Variants in PDCD11 observed in about 807,000 individuals in gnomAD.
PDCD11 encodes the protein protein RRP5 homolog.
PDCD11 carries 97 observed loss-of-function variants against 198.9 expected under a neutral mutation model. The observed-to-expected ratio is 0.49, with a 90% CI of 0.41 to 0.58. The LOEUF (loss-of-function observed/expected upper bound fraction) is 0.58. Among genes scored for constraint, PDCD11 ranks in the 20% least tolerant of loss-of-function variants. PDCD11 has a pLI of 0.00. For synonymous variants in PDCD11, 893 were observed against 918.0 expected, an observed-to-expected ratio of 0.97 and a Z score of 0.49; for missense variants, 2,102 against 2,312.7, an observed-to-expected ratio of 0.91 and a Z score of 1.87.
chr10:103,415,551 C>T (rs1439017497), intron 12 of PDCD11, among the ~76,000 whole-genome samples: 3 of 152,226 alleles, frequency 2.0e-5, no homozygotes, highest in African/African-American at 7.2e-5. Context: ...AGCATTATTT[C>T]ATTTAATCCT....
chr10:103,413,319 C>A lies in PDCD11; in HGVS notation c.1182C>A (p.Ala394=). Residue 394 remains alanine, a synonymous_variant, in exon 9 of 36, where the codon GCC becomes GCA. Transcript: ENST00000369797. The part of the protein sequence containing the change: ...FRLKDGVLAY[A]RLSHLSDSKN... ...TGAAGGATGGGGTTCTGGCCTATGCCCGGGTAAGGAGGCCTCTTTGTTTGG... is the reference window on the plus strand; with the variant it reads ...TGAAGGATGGGGTTCTGGCCTATGCACGGGTAAGGAGGCCTCTTTGTTTGG... 6.2e-7 allele frequency: 1 copy of A among 1,613,508 alleles called. No individual in the cohort carries two copies. The highest frequency in any genetic ancestry group is 1.1e-5 in the South Asian group (1 of 91,066).
intron 21 of PDCD11, among the ~76,000 whole-genome samples, chr10:103,430,756 A>G (rs2031897750): frequency 1.3e-5 from 2 of 149,804 alleles, no homozygotes; most frequent in African/African-American, 4.9e-5. Context: ...CTTCTTGGCC[A>G]TTGGTATATC....
chr10:103,442,211 A>G lies in PDCD11; in HGVS notation c.4708-2A>G. On this transcript the variant is annotated splice_acceptor_variant, in intron 31 of 35. Coordinates refer to ENST00000369797, the MANE Select transcript of PDCD11 (RefSeq NM_014976.2). LOFTEE classifies it high-confidence loss of function. Reference sequence around the variant, plus strand: ...TCACGGTGTTTCTGCTTTCCATAGCAGATAAAGAAAAGCAAGAAAGAAAGG... The same window carrying G: ...TCACGGTGTTTCTGCTTTCCATAGCGGATAAAGAAAAGCAAGAAAGAAAGG... The G allele has an allele frequency of 6.2e-7, 1 of 1,613,854 alleles. No homozygotes were observed. The highest frequency in any genetic ancestry group is 1.1e-5 in the South Asian group (1 of 91,070).
rs1307333185 is a variant in PDCD11, at chr10:103,439,871, A to G, written c.4148+3A>G. 1.2e-6 allele frequency: 2 copies of G among 1,614,024 alleles called. No homozygotes were observed. The highest frequency in any genetic ancestry group is 1.7e-6 in the Non-Finnish European group (2 of 1,180,002). ...CTGCTCACAGCCAGGGTCCTACGGT[A>G]GGTGCCTTCCCGTTCTCTCTCTCTC... On this transcript the variant is annotated splice_donor_region_variant and intron_variant, in intron 28 of 35. Transcript: ENST00000369797.
intron 27 of PDCD11, 107 bp from the exon 28 acceptor site, chr10:103,439,639 C>A: frequency 7.5e-7 from 1 of 1,331,688 alleles, no homozygotes; most frequent in Non-Finnish European, 1.1e-6. Flanking sequence ...ATGTCTGTCA[C>A]AAATCCTTGT....
At chr10:103,438,940 C>G in intron 27 of PDCD11, 132 bp downstream of exon 27, 1 of 886,080 alleles carries the variant, frequency 1.1e-6, no homozygotes, top group Non-Finnish European at 1.7e-6. Context: ...AGTCCCCACT[C>G]ATTTTTAAAA....
intron 17 of PDCD11, among the ~76,000 whole-genome samples, chr10:103,422,472 T>C (rs867046223): frequency 1.3e-5 from 2 of 151,378 alleles, no homozygotes; most frequent in Non-Finnish European, 2.9e-5. Flanking sequence ...AGATGTCCTC[T>C]TCTCCCCACT....
intron 21 of PDCD11, among the ~76,000 whole-genome samples, chr10:103,430,336 A>G (rs1368353398): frequency 6.6e-6 from 1 of 152,190 alleles, no homozygotes; most frequent in Admixed American, 6.5e-5. Flanking sequence ...TTATAGGTAT[A>G]TGCCACATTT....
chr10:103,401,123 A>G (rs1490173492), intron 3 of PDCD11, among the ~76,000 whole-genome samples: 4 of 152,082 alleles, frequency 2.6e-5, no homozygotes, highest in Non-Finnish European at 5.9e-5. Context: ...GTTCTGATAT[A>G]TTCAGAGGTT....
chr10:103,433,240 AT>A (rs2032008432), intron 22 of PDCD11, among the ~76,000 whole-genome samples: 1 of 152,212 alleles, frequency 6.6e-6, no homozygotes, highest in African/African-American at 2.4e-5. Flanking sequence ...CACGCCTGTA[AT>A]CCCAGCACTT....
At chr10:103,411,075 TAAAA>T (rs775346957) in intron 8 of PDCD11, among the ~76,000 whole-genome samples, 12 of 135,304 alleles carry the variant, frequency 8.9e-5, no homozygotes, top group African/African-American at 3.0e-4. Context: ...ACTCTGTCTT[TAAAA>T]AAAAAAAAAA....
At chr10:103,428,686 G>A (rs1379380207) in intron 21 of PDCD11, among the ~76,000 whole-genome samples, 1 of 152,140 alleles carries the variant, frequency 6.6e-6, no homozygotes, top group Non-Finnish European at 1.5e-5. Flanking sequence ...AACTCTGTGG[G>A]AACACTGAGA....
At chr10:103,409,836 A>G (rs1266160633) in intron 8 of PDCD11, 30 bp downstream of exon 8, 1 of 1,536,570 alleles carries the variant, frequency 6.5e-7, no homozygotes, top group Non-Finnish European at 9.0e-7. Flanking sequence ...TATTTTCTTG[A>G]TTCCAGTTGT....
chr10:103,438,929 G>C (rs2032265710), intron 27 of PDCD11, 121 bp downstream of exon 27: 2 of 970,476 alleles, frequency 2.1e-6, no homozygotes, highest in African/African-American at 3.3e-5. Context: ...GAGAGTTTAT[G>C]AGTCCCCACT....
intron 12 of PDCD11, among the ~76,000 whole-genome samples, chr10:103,416,074 C>A (rs778616585): frequency 2.0e-4 from 30 of 152,144 alleles, no homozygotes; most frequent in Non-Finnish European, 3.4e-4. Context: ...GGGTGAAAGA[C>A]AGTTGCATCT....
intron 3 of PDCD11, among the ~76,000 whole-genome samples, chr10:103,400,907 A>G (rs769688808): frequency 5.1e-4 from 78 of 151,958 alleles, no homozygotes; most frequent in African/African-American, 8.7e-4. Flanking sequence ...GGTGTGTGTC[A>G]CCATGCCCAG....
At chr10:103,421,322 C>T (rs367574508) in intron 16 of PDCD11, 26 bp from the exon 17 acceptor site, 6 of 1,561,742 alleles carry the variant, frequency 3.8e-6, no homozygotes, top group South Asian at 2.3e-5. Context: ...TTCCTCTTCT[C>T]ATCTCCTGCC....
intron 7 of PDCD11, 122 bp downstream of exon 7, chr10:103,406,912 C>G (rs1455740518): frequency 7.0e-6 from 5 of 717,220 alleles, no homozygotes; most frequent in East Asian, 2.9e-5. Context: ...GCCCATTGAG[C>G]ATTTCAAATG....
At chr10:103,422,372 C>T (rs971179749) in intron 17 of PDCD11, among the ~76,000 whole-genome samples, 10 of 151,718 alleles carry the variant, frequency 6.6e-5, no homozygotes, top group South Asian at 6.3e-4. Flanking sequence ...TGAGCCACTG[C>T]GCCCGGCCAA....
Sources: allele counts gnomAD v4.1 joint callset (sites outside exome capture counted in the v4.1 genomes callset), GRCh38; gene constraint gnomAD v4.1.1; transcripts MANE v1.5; gene names NCBI Gene and HGNC (gene_info 2026-07-23, HGNC 2026-07-21).